The following COL23A1 variants were observed in gnomAD, a reference collection of about 807,000 sequenced individuals.
The protein encoded by COL23A1 is collagen alpha-1(XXIII) chain.
Under a neutral mutation model 99.3 loss-of-function variants are expected in COL23A1, and 97 were observed. The ratio of observed to expected loss-of-function variants is 0.98; its 90% CI spans 0.83 to 1.16. COL23A1 has a LOEUF of 1.16. COL23A1 is among the 50% of genes most tolerant of loss of function. COL23A1 has a pLI of 0.00. For synonymous variants in COL23A1, 320 were observed against 308.2 expected, an observed-to-expected ratio of 1.04 and a Z score of -0.40; for missense variants, 762 against 757.4, an observed-to-expected ratio of 1.01 and a Z score of -0.07.
At chr5:178,475,211 A>G (rs1178548310) in intron 2 of COL23A1, among the ~76,000 whole-genome samples, 2 of 152,186 alleles carry the variant, frequency 1.3e-5, no homozygotes, top group Non-Finnish European at 2.9e-5. Context: ...TCATATTCAC[A>G]TGCAATGGAG....
chr5:178,531,209 C>T lies in COL23A1; in HGVS notation c.361+29473G>A, dbSNP rs192673054. Among the ~76,000 whole-genome samples, 14 of 152,274 alleles carry T rather than the reference C, an allele frequency of 9.2e-5. No homozygotes were observed. In the East Asian group the frequency reaches 2.5e-3, roughly 27 times the overall value. On this transcript the variant is annotated intron_variant, in intron 2 of 28. Transcript: ENST00000390654. ...CTATGAACTTTTGGGATCATTTGTA[C>T]CACAGCAGTAGGTAACGGGAACAAG...
chr5:178,472,499 T>C (rs1756807826), intron 2 of COL23A1, among the ~76,000 whole-genome samples: 1 of 152,220 alleles, frequency 6.6e-6, no homozygotes, highest in Non-Finnish European at 1.5e-5. Context: ...CCCAGCTATT[T>C]CTGATGCACA....
Position 178,560,098 on chromosome 5 carries a change from G to C in COL23A1, c.361+584C>G, listed in dbSNP as rs1329101647. On this transcript the variant is annotated intron_variant, in intron 2 of 28. Transcript: ENST00000390654. ...ACCCAGGAGACCTGTTATGAGCCTG[G>C]ATTTGAGCCATGTGGATTAGAAGTC... Among the ~76,000 whole-genome samples, 7 of 152,328 alleles carry C rather than the reference G, an allele frequency of 4.6e-5. No homozygotes were observed. In the East Asian group the frequency reaches 1.2e-3, roughly 25 times the overall value.
chr5:178,338,033 A>AGAG (rs899735179), intron 2 of COL23A1, among the ~76,000 whole-genome samples: 4 of 152,282 alleles, frequency 2.6e-5, no homozygotes, highest in African/African-American at 7.2e-5. Flanking sequence ...TCTCCATGTT[A>AGAG]GAGCAAGCTG....
Position 178,281,105 on chromosome 5 carries a change from C to T in COL23A1, c.441+7219G>A, listed in dbSNP as rs1276527902. ...GTGCCATTATCAGGGACTCCGGAGT[C>T]GGCTTTCATCCGGTCTCAGCTTCAC... On this transcript the variant is annotated intron_variant, in intron 5 of 28. Transcript: ENST00000390654. This position sits in a 1 kb window ranked among gnomAD's most constrained non-coding sequence, Gnocchi z 4.0. Among the ~76,000 whole-genome samples the T allele has an allele frequency of 2.0e-5, 3 of 152,128 alleles. No individual in the cohort carries two copies. The highest frequency in any genetic ancestry group is 2.9e-5 in the Non-Finnish European group (2 of 68,018).
intron 2 of COL23A1, among the ~76,000 whole-genome samples, chr5:178,448,692 G>C (rs1359466340): frequency 6.6e-6 from 1 of 152,038 alleles, no homozygotes; most frequent in Non-Finnish European, 1.5e-5. Flanking sequence ...CATTCATGAG[G>C]GCAGTGCCCC....
chr5:178,318,881 G>A (rs1366513612), intron 2 of COL23A1, among the ~76,000 whole-genome samples: 4 of 143,722 alleles, frequency 2.8e-5, no homozygotes, highest in Non-Finnish European at 4.5e-5. Flanking sequence ...TAGCCTGGGC[G>A]ATACAGCAAG....
chr5:178,256,992 G>C, intron 13 of COL23A1, 64 bp from the exon 14 acceptor site: 1 of 1,513,810 alleles, frequency 6.6e-7, no homozygotes, highest in South Asian at 1.2e-5. Flanking sequence ...GCCTTGGAGG[G>C]GGGCGTGCCT....
intron 2 of COL23A1, among the ~76,000 whole-genome samples, chr5:178,535,308 A>C (rs1475884225): frequency 6.6e-6 from 1 of 152,202 alleles, no homozygotes; most frequent in Non-Finnish European, 1.5e-5. Context: ...CTCATGCTGA[A>C]GGCCCTGACG....
rs555164977 is a variant in COL23A1, at chr5:178,312,033, C to A, written c.362-5114G>T. Among the ~76,000 whole-genome samples, 4 of 152,234 alleles carry A rather than the reference C, an allele frequency of 2.6e-5. No homozygotes were observed. The South Asian group carries it at 6.2e-4, about 24-fold the overall frequency. ...GGTGTGGGCTACCGCGCCCGGCCTG[C>A]GTAACTGGTTCTTATGAGTCCCCAG... On this transcript the variant is annotated intron_variant, in intron 2 of 28. Coordinates refer to ENST00000390654, the MANE Select transcript of COL23A1 (RefSeq NM_173465.4).
chr5:178,238,669 T>A lies in COL23A1; in HGVS notation c.*29A>T, dbSNP rs963347887. ...CAAAAATTAAAAATGTCCACACGGA[T>A]CTGTACAGGTGTGAGCTGGGCCTGT... On this transcript the variant is annotated 3_prime_UTR_variant, in exon 29 of 29. Transcript: ENST00000390654. 7.4e-6 allele frequency: 12 copies of A among 1,611,886 alleles called. No homozygotes were observed. The highest frequency in any genetic ancestry group is 1.1e-5 in the South Asian group (1 of 90,998).
chr5:178,295,007 A>G (rs1415374886), intron 3 of COL23A1, among the ~76,000 whole-genome samples: 3 of 152,088 alleles, frequency 2.0e-5, no homozygotes, highest in Non-Finnish European at 4.4e-5. Context: ...AAACAAAACA[A>G]AACAAAAAAC....
chr5:178,543,344 T>A (rs1295119614), intron 2 of COL23A1, among the ~76,000 whole-genome samples: 4 of 152,086 alleles, frequency 2.6e-5, no homozygotes, highest in African/African-American at 7.2e-5. Flanking sequence ...CAACCTCAGG[T>A]GATTCTCCCA....
At chr5:178,270,669 G>A (rs1327871266) in intron 5 of COL23A1, among the ~76,000 whole-genome samples, 2 of 152,194 alleles carry the variant, frequency 1.3e-5, no homozygotes, top group Non-Finnish European at 2.9e-5. Flanking sequence ...CCAGGGTGAC[G>A]GGGTCAGCGA....
chr5:178,321,802 T>C (rs1759333197), intron 2 of COL23A1, among the ~76,000 whole-genome samples: 1 of 150,410 alleles, frequency 6.6e-6, no homozygotes, highest in Non-Finnish European at 1.5e-5. Context: ...TAGCCTTCCT[T>C]TTTAAGGCTG....
At chr5:178,560,631 G>C in intron 2 of COL23A1, 51 bp downstream of exon 2, 1 of 1,553,270 alleles carries the variant, frequency 6.4e-7, no homozygotes, top group Non-Finnish European at 8.8e-7. Flanking sequence ...GCAATCCCAA[G>C]CAAACGGCGG....
In COL23A1 at chr5:178,531,356, T is replaced by C. The variant is rs73342686; in HGVS notation, c.361+29326A>G. On this transcript the variant is annotated intron_variant, in intron 2 of 28. Coordinates refer to ENST00000390654, the MANE Select transcript of COL23A1 (RefSeq NM_173465.4). The stretch of plus-strand genomic sequence containing the variant: ...GTGTGGGGTGGGAACCCAGGTCTCT[T>C]GATGGCAAATCTAGTGCTCTCCGCA... 3.9e-3 allele frequency among the ~76,000 whole-genome samples: 595 copies of C among 152,322 alleles called. 6 individuals carry two copies. Among genetic ancestry groups the C allele is most frequent in the African/African-American group, 0.013 (561 of 41,576 alleles).
intron 2 of COL23A1, among the ~76,000 whole-genome samples, chr5:178,323,514 G>T (rs1316733221): frequency 6.6e-6 from 1 of 152,052 alleles, no homozygotes; most frequent in African/African-American, 2.4e-5. Flanking sequence ...GCTTTGAGTG[G>T]GGTTGGGCTA....
At chr5:178,356,403 G>C (rs151319382) in intron 2 of COL23A1, among the ~76,000 whole-genome samples, 1 of 152,276 alleles carries the variant, frequency 6.6e-6, no homozygotes, top group East Asian at 1.9e-4. Flanking sequence ...CGCAGCACAG[G>C]GGGTAAAGCA....
Sources: gnomAD v4.1 joint callset for allele counts (sites outside exome capture counted in the v4.1 genomes callset) on GRCh38, gnomAD v4.1.1 for gene constraint, Gnocchi (gnomAD v3.1) non-coding constraint, MANE v1.5 for transcripts, NCBI Gene and HGNC (gene_info 2026-07-23, HGNC 2026-07-21) for gene names.